TEX9: variants seen among roughly 807,000 people sequenced by gnomAD.
TEX9 encodes the protein testis-expressed protein 9.
TEX9 carries 74 observed loss-of-function variants against 59.6 expected under a neutral mutation model. The observed-to-expected ratio is 1.24, with a 90% CI of 1.03 to 1.51. TEX9 has a LOEUF of 1.51. Ranked by LOEUF, TEX9 falls within the 40% of genes most tolerant of loss-of-function variation. The pLI, the probability that TEX9 is intolerant of heterozygous loss-of-function variation, is 0.00. For missense variants in TEX9, 522 were observed against 447.8 expected (o/e 1.17, Z -1.49); for synonymous variants, 186 against 152.2 (o/e 1.22, Z -1.64).
chr15:56,261,539 G>A (rs2044266589), intron 1 of TEX9, among the ~76,000 whole-genome samples: 1 of 151,862 alleles, frequency 6.6e-6, no homozygotes, highest in Non-Finnish European at 1.5e-5. Flanking sequence ...CCAACATGGC[G>A]AAACCTCATC....
rs1408945748 is a variant in TEX9, at chr15:56,373,519, A to C, written c.183+15A>C. 5.3e-6 allele frequency: 8 copies of C among 1,516,538 alleles called. No individual in the cohort carries two copies. The South Asian group carries it at 1.0e-4, about 20-fold the overall frequency. The allele number at this position is 1,516,538 out of a possible 1,614,324, so 93.9% of individuals were successfully genotyped here. Reference sequence around the variant, plus strand: ...AGGAAATAATAGTAAGTATATGTACAATTATTAATAATTCTATATAAATGC... The same window carrying C: ...AGGAAATAATAGTAAGTATATGTACCATTATTAATAATTCTATATAAATGC... On this transcript the variant is annotated intron_variant, in intron 3 of 12. Transcript: ENST00000352903.
At chr15:56,265,215 A>G (rs1199141525) in intron 1 of TEX9, among the ~76,000 whole-genome samples, 3 of 148,064 alleles carry the variant, frequency 2.0e-5, no homozygotes, top group African/African-American at 5.0e-5. Context: ...TGGTACCAGC[A>G]TGGAGTGTAG....
chr15:56,413,215 AAAT>A (rs200450141), intron 10 of TEX9, among the ~76,000 whole-genome samples: 6,749 of 146,588 alleles, frequency 0.046, 244 homozygotes, highest in Non-Finnish European at 0.071. Flanking sequence ...TTTAATAATT[AAAT>A]AATTTAATTT....
At chr15:56,263,862 T>C (rs1470987137) in intron 1 of TEX9, among the ~76,000 whole-genome samples, 1 of 152,036 alleles carries the variant, frequency 6.6e-6, no homozygotes, top group Non-Finnish European at 1.5e-5. Flanking sequence ...AGTTCATTTA[T>C]GTTATTGTTT....
chr15:56,451,626 T>C, the TEX9 span, among the ~76,000 whole-genome samples: 1 of 152,200 alleles, frequency 6.6e-6, no homozygotes, highest in Non-Finnish European at 1.5e-5. Flanking sequence ...AAAAATACTT[T>C]CTAATTTCAA....
chr15:56,294,171 G>T (rs976158701), intron 1 of TEX9, among the ~76,000 whole-genome samples: 1 of 152,186 alleles, frequency 6.6e-6, no homozygotes, highest in African/African-American at 2.4e-5. Context: ...GAGCTGGGAG[G>T]GAGGGGAGCT....
At chr15:56,393,969 T>G (rs1217621993) in intron 7 of TEX9, 196 bp from the exon 8 acceptor site, 1 of 414,644 alleles carries the variant, frequency 2.4e-6, no homozygotes, top group African/African-American at 2.1e-5. Context: ...CTGTGATTTC[T>G]TTCTGTTGAG....
chr15:56,279,029 A>G (rs1267230274), intron 1 of TEX9, among the ~76,000 whole-genome samples: 1 of 151,994 alleles, frequency 6.6e-6, no homozygotes, highest in Non-Finnish European at 1.5e-5. Context: ...TTTTCCTCTA[A>G]TTGCGTATTT....
chr15:56,279,656 A>G (rs1315963463), intron 1 of TEX9, among the ~76,000 whole-genome samples: 1 of 152,198 alleles, frequency 6.6e-6, no homozygotes. Context: ...GTCAAGCAAA[A>G]ATAAAATCCT....
chr15:56,431,968 C>CTCTT (rs2050609917), intron 12 of TEX9, among the ~76,000 whole-genome samples: 1 of 152,044 alleles, frequency 6.6e-6, no homozygotes, highest in African/African-American at 2.4e-5. Flanking sequence ...AAAGTGCTCA[C>CTCTT]TCTTAAATAA....
intron 10 of TEX9, among the ~76,000 whole-genome samples, chr15:56,413,085 C>T (rs1375527996): frequency 6.6e-6 from 1 of 151,492 alleles, no homozygotes; most frequent in African/African-American, 2.4e-5. Flanking sequence ...TTCATGAAAC[C>T]CCTTTGTACC....
chr15:56,251,719 GAGCAGTAGGCCCAGGGAATGATAGA>G (rs1213824145), intron 1 of TEX9, among the ~76,000 whole-genome samples: 1 of 152,094 alleles, frequency 6.6e-6, no homozygotes, highest in Non-Finnish European at 1.5e-5. Context: ...GTGTTGATAG[GAGCAGTAGGCCCAGGGAATGATAGA>G]AGCTGAGTAA....
At chr15:56,324,213 A>G (rs1377222571) in intron 1 of TEX9, among the ~76,000 whole-genome samples, 1 of 151,584 alleles carries the variant, frequency 6.6e-6, no homozygotes, top group African/African-American at 2.4e-5. Flanking sequence ...TTTTGTTGCC[A>G]TTCTGAATGC....
downstream of TEX9, among the ~76,000 whole-genome samples, chr15:56,449,966 G>T (rs994078287): frequency 6.6e-6 from 1 of 152,092 alleles, no homozygotes; most frequent in African/African-American, 2.4e-5. Flanking sequence ...CCAAGGGGTC[G>T]TCAATTTTAT....
chr15:56,430,351 C>T lies in TEX9; in HGVS notation c.*29+1878C>T, dbSNP rs370202088. 3.9e-5 allele frequency among the ~76,000 whole-genome samples: 6 copies of T among 152,232 alleles called. 1 individual carries two copies. The highest frequency in any genetic ancestry group is 6.5e-5 in the Admixed American group (1 of 15,294). The stretch of plus-strand genomic sequence containing the variant: ...CCTCCAGAGTATCTGGGACTACAGG[C>T]GTGCATCACCACATCCAGTTAACTT... On this transcript the variant is annotated intron_variant, in intron 12 of 12. Transcript: ENST00000352903.
At chr15:56,453,574 T>C in the TEX9 span, among the ~76,000 whole-genome samples, 1 of 151,974 alleles carries the variant, frequency 6.6e-6, no homozygotes, top group Admixed American at 6.5e-5. Context: ...AAATGAGATA[T>C]GAGGTACTTG....
At chr15:56,429,709 C>A (rs1329897681) in intron 12 of TEX9, 1 of 152,126 alleles carries the variant, frequency 6.6e-6, no homozygotes, top group Non-Finnish European at 1.5e-5. Flanking sequence ...TTTTCCCCTA[C>A]AGTATACTGC....
At chr15:56,387,480 G>C (rs928146499) in intron 4 of TEX9, among the ~76,000 whole-genome samples, 34 of 151,726 alleles carry the variant, frequency 2.2e-4, no homozygotes, top group African/African-American at 6.8e-4. Flanking sequence ...ATAGTTAAGA[G>C]GTTTATTTAT....
At chr15:56,299,290 G>T (rs550494163) in intron 1 of TEX9, among the ~76,000 whole-genome samples, 1 of 152,348 alleles carries the variant, frequency 6.6e-6, no homozygotes, top group South Asian at 2.1e-4. Flanking sequence ...CACAGAAGAA[G>T]CCACACAGCG....
Sources: allele counts gnomAD v4.1 joint callset (sites outside exome capture counted in the v4.1 genomes callset), GRCh38; gene constraint gnomAD v4.1.1; transcripts MANE v1.5; gene names NCBI Gene and HGNC (gene_info 2026-07-23, HGNC 2026-07-21).